The following NBEA variants were observed in gnomAD, a reference collection of about 807,000 sequenced individuals.
NBEA encodes lysosomal-trafficking regulator 2.
NBEA carries 44 observed loss-of-function variants against 343.4 expected under a neutral mutation model. That is an observed-to-expected ratio of 0.13 (90% CI 0.10 to 0.16). NBEA has a LOEUF of 0.16. NBEA is among the 10% of genes least tolerant of loss of function. NBEA has a pLI of 1.00. For synonymous variants in NBEA, 1,175 were observed against 1,238.7 expected (o/e 0.95, Z 1.08); for missense variants, 2,555 against 3,631.3 (o/e 0.70, Z 7.62).
intron 36 of NBEA, among the ~76,000 whole-genome samples, chr13:35,332,464 T>C (rs1171080407): frequency 6.6e-6 from 1 of 152,176 alleles, no homozygotes; most frequent in Non-Finnish European, 1.5e-5. Flanking sequence ...CTCTATATCA[T>C]AATAAATTTA....
chr13:35,009,541 G>A (rs2061417112), intron 1 of NBEA, among the ~76,000 whole-genome samples: 1 of 152,164 alleles, frequency 6.6e-6, no homozygotes, highest in East Asian at 1.9e-4. Flanking sequence ...TATGGCTGGA[G>A]CAGAAATGAG....
At chr13:35,202,777 C>T (rs897394488) in intron 31 of NBEA, among the ~76,000 whole-genome samples, 10 of 152,160 alleles carry the variant, frequency 6.6e-5, no homozygotes, top group South Asian at 4.1e-4. Context: ...TTCAACATTG[C>T]TATTTGGATG....
chr13:35,430,114 C>T (rs921085004), intron 38 of NBEA, among the ~76,000 whole-genome samples: 1 of 152,092 alleles, frequency 6.6e-6, no homozygotes, highest in Non-Finnish European at 1.5e-5. Context: ...ACCACATCCA[C>T]ACCAACATTT....
At chr13:35,562,522 T>C (rs900009829) in intron 44 of NBEA, among the ~76,000 whole-genome samples, 2 of 152,104 alleles carry the variant, frequency 1.3e-5, no homozygotes, top group African/African-American at 4.8e-5. Context: ...GATCAGCTAA[T>C]GAATTCAGCA....
intron 38 of NBEA, among the ~76,000 whole-genome samples, chr13:35,379,355 T>C (rs2041897572): frequency 6.6e-6 from 1 of 152,192 alleles, no homozygotes. Context: ...TATCTTCTTT[T>C]GTCAAATGTT....
chr13:35,299,065 A>C (rs1184804281), intron 35 of NBEA, among the ~76,000 whole-genome samples: 2 of 152,110 alleles, frequency 1.3e-5, no homozygotes, highest in African/African-American at 2.4e-5. Flanking sequence ...ACTGACTTCA[A>C]CTTACAGCAC....
intron 36 of NBEA, among the ~76,000 whole-genome samples, chr13:35,326,517 T>C (rs911652501): frequency 1.3e-5 from 2 of 152,070 alleles, no homozygotes; most frequent in Non-Finnish European, 2.9e-5. Context: ...CATTGTTTAT[T>C]AGTTCCAGGA....
At chr13:35,260,859 G>A (rs1307915699) in intron 34 of NBEA, among the ~76,000 whole-genome samples, 1 of 152,084 alleles carries the variant, frequency 6.6e-6, no homozygotes, top group East Asian at 1.9e-4. Context: ...CAGAAGAGTG[G>A]CACATTAGTA....
chr13:35,196,723 A>C (rs2072632436), intron 31 of NBEA, among the ~76,000 whole-genome samples: 1 of 152,146 alleles, frequency 6.6e-6, no homozygotes, highest in Admixed American at 6.6e-5. Flanking sequence ...TGGAGATTAT[A>C]TGACATGCTT....
At chr13:34,993,079 C>T (rs1372670454) in intron 1 of NBEA, among the ~76,000 whole-genome samples, 1 of 152,118 alleles carries the variant, frequency 6.6e-6, no homozygotes, top group East Asian at 1.9e-4. Context: ...GCTCCTCTCT[C>T]CACTTTGCTA....
intron 34 of NBEA, among the ~76,000 whole-genome samples, chr13:35,255,569 C>A (rs945892989): frequency 6.6e-6 from 1 of 152,212 alleles, no homozygotes; most frequent in African/African-American, 2.4e-5. Flanking sequence ...TGCAGGCCTG[C>A]AGCTAGATCA....
At chr13:35,100,865 C>T (rs1247557472) in intron 11 of NBEA, among the ~76,000 whole-genome samples, 1 of 151,914 alleles carries the variant, frequency 6.6e-6, no homozygotes, top group Non-Finnish European at 1.5e-5. Flanking sequence ...TATGTCTCTT[C>T]ATGATTCCCA....
At chr13:35,328,565 T>C (rs929793401) in intron 36 of NBEA, among the ~76,000 whole-genome samples, 2 of 151,986 alleles carry the variant, frequency 1.3e-5, no homozygotes, top group African/African-American at 2.4e-5. Flanking sequence ...TTGCATGATG[T>C]GATTATCATG....
At chr13:35,250,994 TG>T (rs2031887089) in intron 34 of NBEA, 2 of 153,828 alleles carry the variant, frequency 1.3e-5, no homozygotes, top group African/African-American at 2.4e-5. Context: ...CTAACGTTCA[TG>T]GGGGATGCAT....
intron 34 of NBEA, among the ~76,000 whole-genome samples, chr13:35,247,243 G>A (rs894911627): frequency 3.9e-5 from 6 of 152,138 alleles, no homozygotes; most frequent in Non-Finnish European, 8.8e-5. Context: ...GGGCTTCTGC[G>A]TCTCCTGCCT....
intron 55 of NBEA, among the ~76,000 whole-genome samples, chr13:35,658,990 G>C (rs1329904433): frequency 1.3e-5 from 2 of 152,182 alleles, no homozygotes; most frequent in Non-Finnish European, 2.9e-5. Context: ...AACTCACAAT[G>C]TGAAAGAGAT....
Position 35,159,558 on chromosome 13 carries a change from G to A in NBEA, c.3387G>A (p.Leu1129=). 6.2e-7 allele frequency: 1 copy of A among 1,612,442 alleles called. No homozygotes were observed. The highest frequency in any genetic ancestry group is 8.5e-7 in the Non-Finnish European group (1 of 1,179,394). ...KKNEEKDNGP[L]ITLADEKEDL... ...ATGAAGAAAAGGATAATGGTCCATT[G>A]ATAACATTAGCAGATGAGAAAGAAG... Residue 1129 remains leucine, a synonymous_variant, in exon 22 of 59, where the codon TTG becomes TTA. Transcript: ENST00000379939.
At position 35,109,150 on chromosome 13, in the gene NBEA, A is replaced by T. The variant is rs538679379; in HGVS notation, c.1681-140A>T. The T allele has an allele frequency of 5.2e-4, 387 of 737,966 alleles. 3 individuals are homozygous for T. In the African/African-American group the frequency reaches 6.6e-3, roughly 13 times the overall value. 45.7% of individuals were successfully genotyped at this position (737,966 alleles called of 1,614,324 possible). ...TTTAGATCTCTTAAAGTTATATTTTAATAGCAAAGAAAACAAATGTTTATT... is the reference window on the plus strand; with the variant it reads ...TTTAGATCTCTTAAAGTTATATTTTTATAGCAAAGAAAACAAATGTTTATT... On this transcript the variant is annotated intron_variant, in intron 11 of 58. Coordinates refer to ENST00000379939, the MANE Select transcript of NBEA (RefSeq NM_001385012.1).
intron 17 of NBEA, among the ~76,000 whole-genome samples, chr13:35,131,517 A>G (rs1189233741): frequency 6.6e-6 from 1 of 152,202 alleles, no homozygotes; most frequent in Non-Finnish European, 1.5e-5. Context: ...AATTTTTAGC[A>G]AACCACAAAT....
Sources: allele counts gnomAD v4.1 joint callset (sites outside exome capture counted in the v4.1 genomes callset), GRCh38; gene constraint gnomAD v4.1.1; transcripts MANE v1.5; gene names NCBI Gene and HGNC (gene_info 2026-07-23, HGNC 2026-07-21).